Variants in LRP5 observed in about 807,000 individuals in gnomAD.
LRP5 encodes the protein LDL receptor related protein 5.
LRP5 carries 62 observed loss-of-function variants against 154.1 expected under a neutral mutation model. That is an observed-to-expected ratio of 0.40 (90% CI 0.33 to 0.50). The LOEUF (loss-of-function observed/expected upper bound fraction) is 0.50, where lower values mean the gene tolerates loss of function less well. Among genes scored for constraint, LRP5 ranks in the 20% least tolerant of loss-of-function variants. The pLI is 0.55. For missense variants in LRP5, 1,915 were observed against 2,336.7 expected (o/e 0.82, Z 3.72); for synonymous variants, 966 against 1,011.5 (o/e 0.96, Z 0.85).
intron 21 of LRP5, among the ~76,000 whole-genome samples, chr11:68,441,048 G>A (rs867643681): frequency 1.3e-4 from 20 of 152,064 alleles, no homozygotes; most frequent in Admixed American, 9.2e-4. Flanking sequence ...GATTACAGGC[G>A]TGAGCCACCG....
chr11:68,364,824 G>A (rs554678559), intron 4 of LRP5, among the ~76,000 whole-genome samples: 5 of 152,068 alleles, frequency 3.3e-5, no homozygotes, highest in Non-Finnish European at 5.9e-5. Context: ...TGAGAAAGTC[G>A]TGGTCACAAA....
intron 2 of LRP5, among the ~76,000 whole-genome samples, chr11:68,350,554 C>T (rs180680167): frequency 6.6e-6 from 1 of 152,360 alleles, no homozygotes; most frequent in East Asian, 1.9e-4. Flanking sequence ...TTGCAGTGAC[C>T]TCCCCCTGAC....
chr11:68,377,434 G>T (rs894619256), intron 5 of LRP5, among the ~76,000 whole-genome samples: 1 of 152,314 alleles, frequency 6.6e-6, no homozygotes, highest in East Asian at 1.9e-4. Context: ...GCAGGTGACA[G>T]TGGCCGGCCT....
At chr11:68,396,533 T>C (rs1432336451) in intron 7 of LRP5, among the ~76,000 whole-genome samples, 3 of 152,184 alleles carry the variant, frequency 2.0e-5, no homozygotes, top group Non-Finnish European at 2.9e-5. Context: ...GGCTGATCCC[T>C]TGATGAATTG....
intron 4 of LRP5, 41 bp downstream of exon 4, chr11:68,363,984 TG>T (rs1288567241): frequency 1.9e-4 from 15 of 79,696 alleles, no homozygotes; most frequent in East Asian, 1.4e-3. Context: ...GTGCGGGGGC[TG>T]GGGGGAGCGG....
chr11:68,299,926 T>C, the LRP5 span, among the ~76,000 whole-genome samples: 1 of 147,512 alleles, frequency 6.8e-6, no homozygotes, highest in Non-Finnish European at 1.5e-5. Context: ...TGAGACGGAG[T>C]CTTGTTCTGT....
intron 7 of LRP5, 75 bp from the exon 8 acceptor site, chr11:68,403,408 C>A: frequency 7.3e-7 from 1 of 1,361,782 alleles, no homozygotes; most frequent in Non-Finnish European, 1.0e-6. Context: ...CAGCTCAGGC[C>A]CCAGGCAGGG....
At chr11:68,390,838 T>C (rs636421) in intron 7 of LRP5, among the ~76,000 whole-genome samples, 2,141 of 65,590 alleles carry the variant, frequency 0.033, 26 homozygotes, top group African/African-American at 0.075. Context: ...GGCCTCGTCC[T>C]GTGGACGCAG....
At position 68,386,170 on chromosome 11, in the gene LRP5, G is replaced by A; in HGVS notation, c.1016-146G>A. Reference sequence around the variant, plus strand: ...ACGAGTGACCATGTAGCATGGGCTGGGTGCGTGTCACCTAACATCACCAGC... The same window carrying A: ...ACGAGTGACCATGTAGCATGGGCTGAGTGCGTGTCACCTAACATCACCAGC... On this transcript the variant is annotated intron_variant, in intron 5 of 22. Coordinates refer to ENST00000294304, the MANE Select transcript of LRP5 (RefSeq NM_002335.4). This position sits in a 1 kb window ranked among gnomAD's most constrained non-coding sequence, Gnocchi z 7.9. The A allele has an allele frequency of 1.1e-6, 1 of 890,182 alleles. No individual in the cohort carries two copies. The highest frequency in any genetic ancestry group is 1.4e-5 in the South Asian group (1 of 69,084). The allele number at this position is 890,182 out of a possible 1,614,324, so 55.1% of individuals were successfully genotyped here.
At chr11:68,306,922 T>A in the LRP5 span, among the ~76,000 whole-genome samples, 1 of 152,196 alleles carries the variant, frequency 6.6e-6, no homozygotes, top group African/African-American at 2.4e-5. Flanking sequence ...AGTGCCTGGC[T>A]CATTCATCCT....
At chr11:68,419,358 T>C (rs1176685336) in intron 13 of LRP5, among the ~76,000 whole-genome samples, 1 of 149,046 alleles carries the variant, frequency 6.7e-6, no homozygotes, top group Non-Finnish European at 1.5e-5. Context: ...TCAGCCTCTC[T>C]AGTAGCCGGG....
At chr11:68,348,483 C>T (rs1237321689) in intron 2 of LRP5, among the ~76,000 whole-genome samples, 1 of 141,698 alleles carries the variant, frequency 7.1e-6, no homozygotes, top group South Asian at 2.2e-4. Context: ...AAAATGAACC[C>T]GTGGGGGGGT....
intron 5 of LRP5, among the ~76,000 whole-genome samples, chr11:68,378,828 A>T (rs1038458960): frequency 6.6e-6 from 1 of 152,018 alleles, no homozygotes; most frequent in Non-Finnish European, 1.5e-5. Context: ...GGGGTGGATC[A>T]CTGAAGATCA....
At chr11:68,396,108 G>A (rs534940284) in intron 7 of LRP5, among the ~76,000 whole-genome samples, 1 of 152,084 alleles carries the variant, frequency 6.6e-6, no homozygotes, top group Non-Finnish European at 1.5e-5. Context: ...TGGGGTTGTG[G>A]TGGCTTCTGG....
intron 17 of LRP5, among the ~76,000 whole-genome samples, chr11:68,430,779 G>A (rs887561016): frequency 1.3e-5 from 2 of 152,106 alleles, no homozygotes; most frequent in Non-Finnish European, 2.9e-5. Context: ...GGGCTTCCTG[G>A]TGTTAGTGGT....
At chr11:68,409,573 G>A (rs2098658243) in intron 9 of LRP5, among the ~76,000 whole-genome samples, 1 of 151,922 alleles carries the variant, frequency 6.6e-6, no homozygotes, top group Admixed American at 6.6e-5. Flanking sequence ...CTGGCCTGGC[G>A]TGGTGGCTCA....
At chr11:68,442,915 G>A (rs148883666) in intron 21 of LRP5, among the ~76,000 whole-genome samples, 6 of 152,256 alleles carry the variant, frequency 3.9e-5, no homozygotes, top group East Asian at 1.9e-4. Context: ...GGACACAGCC[G>A]TCACATTCTT....
intron 9 of LRP5, among the ~76,000 whole-genome samples, chr11:68,407,046 T>A: frequency 6.6e-6 from 1 of 152,098 alleles, no homozygotes; most frequent in East Asian, 1.9e-4. Context: ...ATGTGAAATA[T>A]TTGTTGTCCG....
intron 18 of LRP5, among the ~76,000 whole-genome samples, chr11:68,434,337 C>T (rs534589593): frequency 6.7e-6 from 1 of 148,910 alleles, no homozygotes; most frequent in Non-Finnish European, 1.5e-5. Flanking sequence ...TTCTGTGCCC[C>T]CTGTGAGTTT....
Sources: gnomAD v4.1 joint callset for allele counts (sites outside exome capture counted in the v4.1 genomes callset) on GRCh38, gnomAD v4.1.1 for gene constraint, Gnocchi (gnomAD v3.1) non-coding constraint, MANE v1.5 for transcripts, NCBI Gene and HGNC (gene_info 2026-07-23, HGNC 2026-07-21) for gene names.